SHMT1: variants seen among roughly 807,000 people sequenced by gnomAD.
The protein encoded by SHMT1 is serine hydroxymethyltransferase, cytosolic.
SHMT1 carries 45 observed loss-of-function variants against 49.0 expected under a neutral mutation model. The ratio of observed to expected loss-of-function variants is 0.92; its 90% confidence interval spans 0.72 to 1.18. The LOEUF is 1.18. Among genes scored for constraint, SHMT1 ranks in the 50% most tolerant of loss-of-function variants. SHMT1 has a pLI of 0.00. For missense variants in SHMT1, 541 were observed against 612.4 expected (o/e 0.88, Z 1.23); for synonymous variants, 232 against 246.6 (o/e 0.94, Z 0.55).
intron 7 of SHMT1, among the ~76,000 whole-genome samples, chr17:18,339,402 C>T (rs1279485725): frequency 1.3e-5 from 2 of 152,124 alleles, no homozygotes; most frequent in Non-Finnish European, 2.9e-5. Context: ...CAGCCATGCA[C>T]CCTCCTTTCA....
intron 1 of SHMT1, among the ~76,000 whole-genome samples, chr17:18,357,008 A>C (rs1182493929): frequency 6.6e-6 from 1 of 152,018 alleles, no homozygotes; most frequent in African/African-American, 2.4e-5. Context: ...CCGGCCGGGC[A>C]CGGTGGCTCA....
chr17:18,328,925 CCACAAGA>C lies in SHMT1; in HGVS notation c.1283-13_1283-7del. On this transcript the variant is annotated splice_region_variant and splice_polypyrimidine_tract_variant and intron_variant, in intron 11 of 11. Coordinates refer to ENST00000316694, the MANE Select transcript of SHMT1 (RefSeq NM_004169.5). Reference sequence around the variant, plus strand: ...CTGCAGGGTCAGCTCTATCCCTGTGCCACAAGACACAAATGAGTCACCCCACACTACA... The same window carrying C: ...CTGCAGGGTCAGCTCTATCCCTGTGCCACAAATGAGTCACCCCACACTACA... 1 of 1,613,652 alleles carries C rather than the reference CCACAAGA, an allele frequency of 6.2e-7. No homozygotes were observed. The highest frequency in any genetic ancestry group is 8.5e-7 in the Non-Finnish European group (1 of 1,179,892).
rs569812763 is a variant in SHMT1, at chr17:18,361,847, C to T, written c.-20+1525G>A. 3.3e-5 allele frequency among the ~76,000 whole-genome samples: 5 copies of T among 152,196 alleles called. No homozygotes were observed. In the South Asian group the frequency reaches 8.3e-4, roughly 25 times the overall value. ...CATCTTCATTAACATTCAGTAATAC[C>T]TGGTAAGTCCCCCAGCCAACACAGC... is the stretch of plus-strand genomic sequence containing the variant. On this transcript the variant is annotated intron_variant, in intron 1 of 11. Transcript: ENST00000316694.
In SHMT1 at chr17:18,340,354, A is replaced by T; in HGVS notation, c.602-99T>A. The T allele has an allele frequency of 1.6e-6, 2 of 1,284,174 alleles. No homozygotes were observed. Among genetic ancestry groups the T allele is most frequent in the Non-Finnish European group, 1.1e-6 (1 of 898,688 alleles). 79.5% of individuals were successfully genotyped at this position (1,284,174 alleles called of 1,614,324 possible). ...TAGATGTGCAGATCTGAAAGCCCAG[A>T]GATTTCTTCCCTTAAAGTCTCAGAG... On this transcript the variant is annotated intron_variant, in intron 6 of 11. Coordinates refer to ENST00000316694, the MANE Select transcript of SHMT1 (RefSeq NM_004169.5). The surrounding 1 kb of genome is among the most constrained non-coding windows in gnomAD (Gnocchi z 4.5).
chr17:18,345,649 A>G (rs1389855064), intron 5 of SHMT1, among the ~76,000 whole-genome samples: 1 of 151,284 alleles, frequency 6.6e-6, no homozygotes, highest in African/African-American at 2.4e-5. Context: ...TGCTGGGATT[A>G]CAAGCGTGAG....
At chr17:18,360,913 T>A (rs11871761) in intron 1 of SHMT1, among the ~76,000 whole-genome samples, 1 of 152,004 alleles carries the variant, frequency 6.6e-6, no homozygotes, top group Admixed American at 6.6e-5. Flanking sequence ...CTGACGCCTG[T>A]AATCCCAGCA....
intron 2 of SHMT1, among the ~76,000 whole-genome samples, chr17:18,355,477 T>C (rs991250821): frequency 1.3e-5 from 2 of 151,198 alleles, no homozygotes; most frequent in Non-Finnish European, 2.9e-5. Context: ...GAGGTGGAGG[T>C]TGCAGTGAGC....
chr17:18,338,220 T>G (rs796811466), intron 7 of SHMT1, among the ~76,000 whole-genome samples: 4 of 120,932 alleles, frequency 3.3e-5, no homozygotes, highest in African/African-American at 1.3e-4. Context: ...TCTGCCCGGC[T>G]GCAACCCCGT....
chr17:18,354,485 A>G (rs1284447387), intron 2 of SHMT1, among the ~76,000 whole-genome samples: 1 of 152,060 alleles, frequency 6.6e-6, no homozygotes, highest in Non-Finnish European at 1.5e-5. Flanking sequence ...AATCTCAGCT[A>G]CTCGGGGGGC....
At chr17:18,342,089 T>C (rs867394957) in intron 5 of SHMT1, among the ~76,000 whole-genome samples, 23 of 152,268 alleles carry the variant, frequency 1.5e-4, no homozygotes, top group African/African-American at 5.5e-4. Context: ...CAAAGAGACA[T>C]GTGCACTCCC....
chr17:18,353,594 C>CA (rs1985931572), intron 3 of SHMT1, 78 bp downstream of exon 3: 1 of 1,488,906 alleles, frequency 6.7e-7, no homozygotes, highest in Admixed American at 1.7e-5. Context: ...CTGAAATTTC[C>CA]AAATTGTTTA....
At chr17:18,329,849 C>G (rs1303274637) in intron 10 of SHMT1, among the ~76,000 whole-genome samples, 2 of 152,226 alleles carry the variant, frequency 1.3e-5, no homozygotes, top group East Asian at 3.9e-4. Context: ...TCCCTGCCCC[C>G]GCTCCATTTT....
chr17:18,342,854 T>G (rs892553938), intron 5 of SHMT1, among the ~76,000 whole-genome samples: 2 of 151,594 alleles, frequency 1.3e-5, no homozygotes, highest in Non-Finnish European at 2.9e-5. Flanking sequence ...GAGAATCACT[T>G]GAACCCAGGA....
At chr17:18,348,833 C>T (rs1985381237) in intron 3 of SHMT1, among the ~76,000 whole-genome samples, 1 of 151,482 alleles carries the variant, frequency 6.6e-6, no homozygotes, top group Admixed American at 6.6e-5. Flanking sequence ...AAAAAATTAG[C>T]CAGGTGTTGT....
chr17:18,361,391 T>C (rs1323570066), intron 1 of SHMT1, among the ~76,000 whole-genome samples: 3 of 144,272 alleles, frequency 2.1e-5, no homozygotes, highest in South Asian at 2.2e-4. Flanking sequence ...ACCAGGAGAA[T>C]AGCTTGAACC....
At chr17:18,333,452 T>A (rs965094478) in intron 8 of SHMT1, 164 bp from the exon 9 acceptor site, 16 of 364,588 alleles carry the variant, frequency 4.4e-5, no homozygotes, top group Non-Finnish European at 7.2e-5. Flanking sequence ...TTTTTAAAAA[T>A]TTTTTATTAT....
At chr17:18,351,475 T>C (rs931815855) in intron 3 of SHMT1, among the ~76,000 whole-genome samples, 10 of 150,200 alleles carry the variant, frequency 6.7e-5, no homozygotes, top group Admixed American at 4.0e-4. Flanking sequence ...AGCCCTTTAA[T>C]TGGCTGGGCA....
chr17:18,340,902 T>A lies in SHMT1; in HGVS notation c.520-89A>T. On this transcript the variant is annotated intron_variant, in intron 5 of 11. Coordinates refer to ENST00000316694, the MANE Select transcript of SHMT1 (RefSeq NM_004169.5). This position sits in a 1 kb window ranked among gnomAD's most constrained non-coding sequence, Gnocchi z 4.5. The stretch of plus-strand genomic sequence containing the variant: ...CCACTTGAACTGGCTCCACCCACCA[T>A]GACAAGAGGAATGATGTCCTAGATG... 2.2e-6 allele frequency: 2 copies of A among 903,868 alleles called. No individual in the cohort carries two copies. The highest frequency in any genetic ancestry group is 2.0e-5 in the Admixed American group (1 of 50,224). 56.0% of individuals were successfully genotyped at this position (903,868 alleles called of 1,614,324 possible).
intron 5 of SHMT1, among the ~76,000 whole-genome samples, chr17:18,343,347 A>G (rs1359097839): frequency 6.6e-6 from 1 of 151,654 alleles, no homozygotes; most frequent in Non-Finnish European, 1.5e-5. Flanking sequence ...GGTGGCTCAC[A>G]TCTGTAATCT....
Sources: gnomAD v4.1 joint callset for allele counts (sites outside exome capture counted in the v4.1 genomes callset) on GRCh38, gnomAD v4.1.1 for gene constraint, Gnocchi (gnomAD v3.1) non-coding constraint, MANE v1.5 for transcripts, NCBI Gene and HGNC (gene_info 2026-07-23, HGNC 2026-07-21) for gene names.